Variants in TRHDE observed in about 807,000 individuals in gnomAD.
TRHDE encodes the protein thyrotropin releasing hormone degrading enzyme, also known as thyrotropin-releasing hormone-degrading ectoenzyme.
TRHDE carries 72 observed loss-of-function variants against 125.7 expected under a neutral mutation model. The ratio of observed to expected loss-of-function variants is 0.57; its 90% confidence interval spans 0.47 to 0.70. TRHDE has a LOEUF of 0.70. Among genes scored for constraint, TRHDE ranks in the 30% least tolerant of loss-of-function variants. The pLI is 0.00. For missense variants in TRHDE, 1,110 were observed against 1,327.1 expected (o/e 0.84, Z 2.54); for synonymous variants, 509 against 509.1 (o/e 1.00, Z 0.00).
intron 2 of TRHDE, among the ~76,000 whole-genome samples, chr12:72,181,267 T>C (rs1391085418): frequency 6.6e-6 from 1 of 152,180 alleles, no homozygotes; most frequent in African/African-American, 2.4e-5. Flanking sequence ...AAATGCTTTC[T>C]ACGCAGAGAA....
chr12:72,472,425 T>C (rs1461490488), intron 4 of TRHDE, among the ~76,000 whole-genome samples: 1 of 152,210 alleles, frequency 6.6e-6, no homozygotes, highest in African/African-American at 2.4e-5. Flanking sequence ...CATGAAGGCA[T>C]CTTAGAGAAT....
intron 15 of TRHDE, among the ~76,000 whole-genome samples, chr12:72,634,065 T>C (rs559682436): frequency 6.6e-6 from 1 of 152,176 alleles, no homozygotes; most frequent in South Asian, 2.1e-4. Flanking sequence ...GCCAAACCCT[T>C]TATATACACT....
At chr12:72,219,699 T>C (rs1434184815) in intron 2 of TRHDE, among the ~76,000 whole-genome samples, 1 of 152,176 alleles carries the variant, frequency 6.6e-6, no homozygotes, top group Non-Finnish European at 1.5e-5. Flanking sequence ...TACAAGTGCA[T>C]AGCATTCAGT....
chr12:72,632,809 T>A (rs1873553621), intron 15 of TRHDE, among the ~76,000 whole-genome samples: 1 of 151,808 alleles, frequency 6.6e-6, no homozygotes. Flanking sequence ...TAGGTCTTTA[T>A]CATTCTTGCC....
At chr12:72,500,542 C>T (rs1181708560) in intron 6 of TRHDE, among the ~76,000 whole-genome samples, 1 of 152,074 alleles carries the variant, frequency 6.6e-6, no homozygotes, top group African/African-American at 2.4e-5. Flanking sequence ...CAGGCATGTT[C>T]CACTATGCCT....
At chr12:72,183,390 C>T (rs549140290) in intron 2 of TRHDE, among the ~76,000 whole-genome samples, 1 of 152,184 alleles carries the variant, frequency 6.6e-6, no homozygotes, top group Non-Finnish European at 1.5e-5. Flanking sequence ...GTAAAATCTT[C>T]TCTCGAACAC....
chr12:72,629,828 T>A (rs1191830236), intron 15 of TRHDE, among the ~76,000 whole-genome samples: 1 of 151,556 alleles, frequency 6.6e-6, no homozygotes, highest in African/African-American at 2.4e-5. Flanking sequence ...TCAACAACAC[T>A]AATATTTCCT....
At chr12:72,164,028 T>C (rs926569345) in intron 2 of TRHDE, among the ~76,000 whole-genome samples, 4 of 152,132 alleles carry the variant, frequency 2.6e-5, no homozygotes, top group Admixed American at 2.6e-4. Context: ...GGAGAATCAC[T>C]TGAACCCCAG....
intron 12 of TRHDE, among the ~76,000 whole-genome samples, chr12:72,592,196 C>T (rs1445717547): frequency 2.0e-5 from 3 of 151,998 alleles, no homozygotes; most frequent in South Asian, 4.2e-4. Context: ...GATCTCTTTC[C>T]AAATTTACCT....
At chr12:72,139,109 A>G (rs931970519) in intron 2 of TRHDE, among the ~76,000 whole-genome samples, 2 of 152,220 alleles carry the variant, frequency 1.3e-5, no homozygotes, top group Non-Finnish European at 2.9e-5. Flanking sequence ...CTGGTAATAT[A>G]TTAGGATTTG....
intron 2 of TRHDE, among the ~76,000 whole-genome samples, chr12:72,250,451 C>A (rs907144628): frequency 6.6e-6 from 1 of 152,106 alleles, no homozygotes; most frequent in Admixed American, 6.6e-5. Context: ...TTTGAGGATG[C>A]TTCCTCTTAT....
intron 2 of TRHDE, among the ~76,000 whole-genome samples, chr12:72,224,146 C>CTATCTATCTATCTATT (rs1565666711): frequency 2.2e-4 from 10 of 46,410 alleles, no homozygotes; most frequent in East Asian, 4.2e-4. Flanking sequence ...ATCTATTTAT[C>CTATCTATCTATCTATT]TATGTATGTA....
intron 12 of TRHDE, among the ~76,000 whole-genome samples, chr12:72,589,983 TTGAGA>T (rs908733873): frequency 6.6e-5 from 10 of 152,140 alleles, no homozygotes; most frequent in African/African-American, 9.6e-5. Context: ...AGATTGCTGA[TTGAGA>T]TATTTTTTCT....
chr12:72,321,787 C>A (rs191246931), intron 2 of TRHDE, among the ~76,000 whole-genome samples: 1 of 151,986 alleles, frequency 6.6e-6, no homozygotes, highest in Admixed American at 6.6e-5. Context: ...TGTAAATAAC[C>A]ATTTGTAAAT....
At chr12:72,198,118 A>G (rs1323400708) in intron 2 of TRHDE, among the ~76,000 whole-genome samples, 1 of 152,114 alleles carries the variant, frequency 6.6e-6, no homozygotes, top group African/African-American at 2.4e-5. Context: ...TTCAAGATTC[A>G]TTCATCTTAT....
chr12:72,533,627 ACTTT>A (rs1565781100), intron 6 of TRHDE, among the ~76,000 whole-genome samples: 1 of 133,296 alleles, frequency 7.5e-6, no homozygotes, highest in Admixed American at 7.2e-5. Flanking sequence ...TACCTCTATT[ACTTT>A]CTTTCTCGGA....
chr12:72,490,765 A>AAT (rs1877635016), intron 5 of TRHDE, among the ~76,000 whole-genome samples: 1 of 151,476 alleles, frequency 6.6e-6, no homozygotes. Flanking sequence ...GTAAAAAAAA[A>AAT]AAAAAAACAA....
intron 2 of TRHDE, among the ~76,000 whole-genome samples, chr12:72,224,264 ACCC>A (rs66698655): frequency 1.3e-5 from 2 of 150,010 alleles, no homozygotes; most frequent in African/African-American, 4.9e-5. Flanking sequence ...AATATGAAGG[ACCC>A]CCCCCTAGGT....
chr12:72,319,361 G>A (rs1043550433), intron 2 of TRHDE, among the ~76,000 whole-genome samples: 2 of 152,032 alleles, frequency 1.3e-5, no homozygotes, highest in African/African-American at 4.8e-5. Flanking sequence ...ATCAAACCTA[G>A]GTCTGCTTCA....
Sources: allele counts gnomAD v4.1 joint callset (sites outside exome capture counted in the v4.1 genomes callset), GRCh38; gene constraint gnomAD v4.1.1; transcripts MANE v1.5; gene names NCBI Gene and HGNC (gene_info 2026-07-23, HGNC 2026-07-21).